KLHL32: variants seen among roughly 807,000 people sequenced by gnomAD.
KLHL32 encodes kelch-like protein 32.
Under a neutral mutation model 64.8 loss-of-function variants are expected in KLHL32, and 35 were observed. The ratio of observed to expected loss-of-function variants is 0.54; its 90% CI spans 0.41 to 0.72. The LOEUF (loss-of-function observed/expected upper bound fraction) is 0.72, where lower values mean the gene tolerates loss of function less well. Among genes scored for constraint, KLHL32 ranks in the 30% least tolerant of loss-of-function variants. The pLI is 0.00. For missense variants in KLHL32, 589 were observed against 768.5 expected (o/e 0.77, Z 2.76); for synonymous variants, 259 against 281.0 (o/e 0.92, Z 0.78).
At chr6:96,912,520 A>G in the KLHL32 span, among the ~76,000 whole-genome samples, 1 of 151,776 alleles carries the variant, frequency 6.6e-6, no homozygotes. Context: ...GCAAACTCCT[A>G]CTCTCTCAGC....
At chr6:97,070,822 A>T (rs967717334) in intron 5 of KLHL32, among the ~76,000 whole-genome samples, 2 of 152,182 alleles carry the variant, frequency 1.3e-5, no homozygotes, top group Non-Finnish European at 2.9e-5. Context: ...AAACAAACAA[A>T]CATCAATCTC....
chr6:97,128,473 G>A (rs1425433384), intron 8 of KLHL32, among the ~76,000 whole-genome samples: 1 of 152,194 alleles, frequency 6.6e-6, no homozygotes. Context: ...TCTGTTTCAT[G>A]TTTGTACACA....
At chr6:96,968,908 G>A (rs1774801298) in intron 2 of KLHL32, among the ~76,000 whole-genome samples, 1 of 152,138 alleles carries the variant, frequency 6.6e-6, no homozygotes, top group Admixed American at 6.5e-5. Context: ...CTAGGGCATG[G>A]TTTTGCTTCT....
intron 5 of KLHL32, among the ~76,000 whole-genome samples, chr6:97,083,531 G>C (rs1029951793): frequency 6.6e-6 from 1 of 152,176 alleles, no homozygotes; most frequent in Admixed American, 6.5e-5. Flanking sequence ...TGCCTTGGTT[G>C]CCTCCAGGTG....
intron 4 of KLHL32, among the ~76,000 whole-genome samples, chr6:97,061,484 T>C (rs1788890129): frequency 6.6e-6 from 1 of 152,176 alleles, no homozygotes; most frequent in African/African-American, 2.4e-5. Flanking sequence ...GACTGATGAG[T>C]GACTGGATGT....
intron 3 of KLHL32, among the ~76,000 whole-genome samples, chr6:96,997,993 A>G (rs1398157427): frequency 6.6e-6 from 1 of 152,134 alleles, no homozygotes; most frequent in East Asian, 1.9e-4. Context: ...ACATGTAGTG[A>G]CACGTGGTGT....
At chr6:97,000,566 A>C (rs1778906272) in intron 3 of KLHL32, among the ~76,000 whole-genome samples, 1 of 152,218 alleles carries the variant, frequency 6.6e-6, no homozygotes, top group South Asian at 2.1e-4. Context: ...TTTTTAGATA[A>C]AATTTATGAT....
intron 4 of KLHL32, among the ~76,000 whole-genome samples, chr6:97,056,783 A>T (rs1394827756): frequency 5.3e-5 from 8 of 152,174 alleles, no homozygotes; most frequent in South Asian, 4.1e-4. Context: ...TCACGACCAT[A>T]GTCTCAGCAC....
chr6:96,899,411 G>A, the KLHL32 span, among the ~76,000 whole-genome samples: 1 of 152,150 alleles, frequency 6.6e-6, no homozygotes, highest in African/African-American at 2.4e-5. Context: ...CTCACTGCCT[G>A]TTAAAATATT....
intron 6 of KLHL32, among the ~76,000 whole-genome samples, chr6:97,111,393 G>A (rs768957281): frequency 1.3e-5 from 2 of 152,254 alleles, no homozygotes; most frequent in African/African-American, 4.8e-5. Flanking sequence ...CTTCACGGGC[G>A]GGAACTGGAA....
intron 7 of KLHL32, among the ~76,000 whole-genome samples, chr6:97,120,944 G>GTA (rs1033619836): frequency 6.6e-6 from 1 of 152,106 alleles, no homozygotes; most frequent in African/African-American, 2.4e-5. Flanking sequence ...AGCTACTCTA[G>GTA]TATTGAACTG....
intron 3 of KLHL32, among the ~76,000 whole-genome samples, chr6:96,989,639 T>C (rs899091795): frequency 6.6e-6 from 1 of 152,214 alleles, no homozygotes; most frequent in Admixed American, 6.5e-5. Flanking sequence ...AATTTGAATG[T>C]TCACCTCTCT....
At chr6:97,115,499 C>T (rs1273410620) in intron 7 of KLHL32, among the ~76,000 whole-genome samples, 2 of 152,116 alleles carry the variant, frequency 1.3e-5, no homozygotes, top group African/African-American at 4.8e-5. Flanking sequence ...ATAATGAACC[C>T]CATGTACCCA....
intron 6 of KLHL32, among the ~76,000 whole-genome samples, chr6:97,094,792 T>C (rs919888535): frequency 6.6e-6 from 1 of 152,156 alleles, no homozygotes; most frequent in Non-Finnish European, 1.5e-5. Flanking sequence ...TTACTTATGC[T>C]TCAAGAACAG....
intron 3 of KLHL32, among the ~76,000 whole-genome samples, chr6:97,006,047 A>G (rs1779623622): frequency 6.6e-6 from 1 of 151,690 alleles, no homozygotes. Flanking sequence ...AGTGCTGAGT[A>G]TAGGTCCTGA....
chr6:96,999,135 C>G (rs917166895), intron 3 of KLHL32, among the ~76,000 whole-genome samples: 1 of 152,148 alleles, frequency 6.6e-6, no homozygotes, highest in African/African-American at 2.4e-5. Flanking sequence ...GATACTCATG[C>G]CTGTAATCTC....
At chr6:97,036,660 G>A (rs369795626) in intron 3 of KLHL32, among the ~76,000 whole-genome samples, 1 of 152,220 alleles carries the variant, frequency 6.6e-6, no homozygotes, top group African/African-American at 2.4e-5. Context: ...ATGTGCAGGG[G>A]CACTGGTTTT....
At chr6:96,999,336 C>T (rs1778757696) in intron 3 of KLHL32, among the ~76,000 whole-genome samples, 1 of 152,132 alleles carries the variant, frequency 6.6e-6, no homozygotes, top group Admixed American at 6.6e-5. Flanking sequence ...GTCGAGGCTG[C>T]AGTGAGGCAT....
intron 1 of KLHL32, among the ~76,000 whole-genome samples, chr6:96,938,714 C>T (rs942344591): frequency 6.6e-6 from 1 of 152,148 alleles, no homozygotes; most frequent in African/African-American, 2.4e-5. Flanking sequence ...CTGGTTCTTT[C>T]ATATACAAGT....
Sources: allele counts gnomAD v4.1 joint callset (sites outside exome capture counted in the v4.1 genomes callset), GRCh38; gene constraint gnomAD v4.1.1; transcripts MANE v1.5; gene names NCBI Gene and HGNC (gene_info 2026-07-23, HGNC 2026-07-21).